The following GABRB2 variants were observed in gnomAD, a reference collection of about 807,000 sequenced individuals.
The protein encoded by GABRB2 is gamma-aminobutyric acid receptor subunit beta-2.
A neutral mutation model predicts 54.7 loss-of-function variants in GABRB2; 16 were observed. The ratio of observed to expected loss-of-function variants is 0.29; its 90% CI spans 0.20 to 0.44. The LOEUF is 0.44. Among genes scored for constraint, GABRB2 ranks in the 20% least tolerant of loss-of-function variants. The probability of loss-of-function intolerance (pLI) is 1.00; values close to 1 mark genes in which losing one functional copy is unlikely to be tolerated. For missense variants in GABRB2, 355 were observed against 644.0 expected, an observed-to-expected ratio of 0.55 and a Z score of 4.86; for synonymous variants, 244 against 233.8, an observed-to-expected ratio of 1.04 and a Z score of -0.40.
intron 9 of GABRB2, among the ~76,000 whole-genome samples, chr5:161,309,993 A>G (rs1757814443): frequency 6.6e-6 from 1 of 152,198 alleles, no homozygotes; most frequent in African/African-American, 2.4e-5. Context: ...TAAAAAAGAA[A>G]AACGTTACAT....
At chr5:161,344,403 T>C (rs1754257568) in intron 5 of GABRB2, among the ~76,000 whole-genome samples, 1 of 152,098 alleles carries the variant, frequency 6.6e-6, no homozygotes, top group African/African-American at 2.4e-5. Flanking sequence ...AATACTGCAC[T>C]CTGGCATTGG....
chr5:161,450,641 T>C (rs1292242354), intron 4 of GABRB2, among the ~76,000 whole-genome samples: 5 of 152,160 alleles, frequency 3.3e-5, no homozygotes, highest in Non-Finnish European at 7.3e-5. Flanking sequence ...TTCTGCTCTG[T>C]GGTTTGCCAT....
intron 5 of GABRB2, among the ~76,000 whole-genome samples, chr5:161,342,698 A>G (rs1408772644): frequency 1.3e-5 from 2 of 152,052 alleles, no homozygotes; most frequent in Non-Finnish European, 2.9e-5. Context: ...ACACAGTGCT[A>G]TTTATTTATG....
chr5:161,378,856 T>C (rs556268318), intron 5 of GABRB2, among the ~76,000 whole-genome samples: 18 of 152,294 alleles, frequency 1.2e-4, no homozygotes, highest in Admixed American at 1.1e-3. Context: ...TCAGTTCCAG[T>C]GTAATTCAAG....
At chr5:161,299,065 G>A (rs1438639759) in intron 9 of GABRB2, among the ~76,000 whole-genome samples, 1 of 152,166 alleles carries the variant, frequency 6.6e-6, no homozygotes, top group Non-Finnish European at 1.5e-5. Flanking sequence ...CAGTCAACTG[G>A]AGGGGCAGGG....
intron 5 of GABRB2, among the ~76,000 whole-genome samples, chr5:161,350,880 C>T (rs1156256647): frequency 6.6e-6 from 1 of 152,048 alleles, no homozygotes; most frequent in African/African-American, 2.4e-5. Context: ...AGTGACTCTC[C>T]AGGGGGTCTC....
At chr5:161,461,324 T>C (rs938094913) in intron 3 of GABRB2, among the ~76,000 whole-genome samples, 12 of 152,192 alleles carry the variant, frequency 7.9e-5, no homozygotes, top group African/African-American at 2.7e-4. Flanking sequence ...ACAAGTAGGC[T>C]GGGCTGCAAC....
intron 4 of GABRB2, among the ~76,000 whole-genome samples, chr5:161,447,249 C>T (rs1757660261): frequency 6.6e-6 from 1 of 152,148 alleles, no homozygotes; most frequent in Non-Finnish European, 1.5e-5. Context: ...AGGTCCACAA[C>T]CCATACTCTT....
intron 4 of GABRB2, among the ~76,000 whole-genome samples, chr5:161,453,715 C>T (rs1757860811): frequency 6.6e-6 from 1 of 152,054 alleles, no homozygotes. Context: ...TGGTCACAAA[C>T]TGCAATTTTA....
chr5:161,406,651 A>G (rs1756356000), intron 5 of GABRB2, among the ~76,000 whole-genome samples: 1 of 152,030 alleles, frequency 6.6e-6, no homozygotes, highest in Non-Finnish European at 1.5e-5. Context: ...GTTAGGTATT[A>G]TTTCCATTTT....
At chr5:161,383,956 C>T (rs777842404) in intron 5 of GABRB2, among the ~76,000 whole-genome samples, 10 of 152,208 alleles carry the variant, frequency 6.6e-5, no homozygotes, top group East Asian at 1.9e-4. Context: ...GGTGCGATCT[C>T]GGCTCATTGC....
chr5:161,352,006 C>T (rs545853037), intron 5 of GABRB2, among the ~76,000 whole-genome samples: 2 of 152,166 alleles, frequency 1.3e-5, no homozygotes, highest in East Asian at 3.9e-4. Flanking sequence ...AGTGAGATAT[C>T]ACTTCATGCC....
chr5:161,362,779 G>T (rs1363576250), intron 5 of GABRB2, among the ~76,000 whole-genome samples: 1 of 151,978 alleles, frequency 6.6e-6, no homozygotes, highest in Admixed American at 6.6e-5. Context: ...CAAAAAAAAA[G>T]CTCGTAGTCA....
At chr5:161,396,995 T>C (rs1299746207) in intron 5 of GABRB2, among the ~76,000 whole-genome samples, 1 of 152,208 alleles carries the variant, frequency 6.6e-6, no homozygotes, top group South Asian at 2.1e-4. Flanking sequence ...TTACCTAGAA[T>C]GTGTAGCACA....
At chr5:161,469,456 C>T (rs1253637935) in intron 3 of GABRB2, among the ~76,000 whole-genome samples, 3 of 151,508 alleles carry the variant, frequency 2.0e-5, no homozygotes, top group Admixed American at 6.6e-5. Flanking sequence ...GGGAAGCAAA[C>T]GCTTAAGCCA....
chr5:161,334,936 T>G (rs1314786415), intron 6 of GABRB2, 32 bp from the exon 7 acceptor site: 3 of 1,603,694 alleles, frequency 1.9e-6, no homozygotes, highest in Non-Finnish European at 2.6e-6. Context: ...ATCATCATTA[T>G]CAATCAATAT....
At chr5:161,334,992 C>G (rs1029081398) in intron 6 of GABRB2, 88 bp from the exon 7 acceptor site, 1 of 1,311,838 alleles carries the variant, frequency 7.6e-7, no homozygotes, top group African/African-American at 1.5e-5. Context: ...TACCTCTTCT[C>G]TCAGTTCAGT....
chr5:161,294,341 G>A lies in GABRB2; in HGVS notation c.1279C>T (p.Pro427Ser), dbSNP rs765952235. Reference sequence around the variant, plus strand: ...TCATAGGCTAGCATTGTGCTTCTGGGGTCTCCAAGTCCCATCACAGCCTCA... The same window carrying A: ...TCATAGGCTAGCATTGTGCTTCTGGAGTCTCCAAGTCCCATCACAGCCTCA... ...TSEAVMGLGD[P>S]RSTMLAYDAS... Residue 427 changes from proline to serine, a missense_variant, in exon 10 of 10, where the codon CCC (proline) becomes TCC (serine). Around this residue, in one of 6 missense-constraint regions of GABRB2, gnomAD observed 201 missense variants for 228.1 expected, o/e 0.88. Transcript: ENST00000393959. The A allele has an allele frequency of 1.9e-6, 3 of 1,614,064 alleles. No homozygotes were observed. Among genetic ancestry groups the A allele is most frequent in the Non-Finnish European group, 2.5e-6 (3 of 1,179,994 alleles).
chr5:161,501,465 T>G (rs1175038600), intron 3 of GABRB2, among the ~76,000 whole-genome samples: 1 of 152,204 alleles, frequency 6.6e-6, no homozygotes, highest in Admixed American at 6.6e-5. Flanking sequence ...TATGCTACTA[T>G]GCTATTTCCC....
Sources: allele counts gnomAD v4.1 joint callset (sites outside exome capture counted in the v4.1 genomes callset), GRCh38; gene constraint gnomAD v4.1.1; regional missense constraint gnomAD v4.1.1; transcripts MANE v1.5; gene names NCBI Gene and HGNC (gene_info 2026-07-23, HGNC 2026-07-21).